DYM: variants seen among roughly 807,000 people sequenced by gnomAD.
DYM encodes the protein dymeclin.
A neutral mutation model predicts 93.1 loss-of-function variants in DYM; 78 were observed. That is an observed-to-expected ratio of 0.84 (90% CI 0.70 to 1.01). The LOEUF (loss-of-function observed/expected upper bound fraction) is 1.01. Ranked by LOEUF, DYM falls within the 50% of genes least tolerant of loss-of-function variation. The pLI is 0.00. For missense variants in DYM, 789 were observed against 845.0 expected (o/e 0.93, Z 0.82); for synonymous variants, 321 against 319.7 (o/e 1.00, Z -0.04).
intron 1 of DYM, among the ~76,000 whole-genome samples, chr18:49,452,246 G>A (rs564472124): frequency 1.7e-4 from 26 of 152,270 alleles, no homozygotes; most frequent in Admixed American, 9.8e-4. Context: ...AGACCTTCGC[G>A]GTGAGTGTTA....
At chr18:49,364,675 C>G (rs1354212273) in intron 5 of DYM, among the ~76,000 whole-genome samples, 1 of 152,134 alleles carries the variant, frequency 6.6e-6, no homozygotes, top group Non-Finnish European at 1.5e-5. Flanking sequence ...TACAGCATGC[C>G]AGACTCTTGG....
chr18:49,259,583 T>C (rs2094458277), intron 11 of DYM, among the ~76,000 whole-genome samples: 1 of 152,206 alleles, frequency 6.6e-6, no homozygotes, highest in Non-Finnish European at 1.5e-5. Flanking sequence ...CTAGAAGATA[T>C]TTTAAAGATA....
chr18:49,217,996 T>C (rs1218524524), intron 13 of DYM, among the ~76,000 whole-genome samples: 1 of 152,084 alleles, frequency 6.6e-6, no homozygotes, highest in Non-Finnish European at 1.5e-5. Context: ...CAGTGTGCTG[T>C]ATTCAGGAAA....
chr18:49,290,473 T>C (rs1008269327), intron 8 of DYM, among the ~76,000 whole-genome samples: 2 of 152,194 alleles, frequency 1.3e-5, no homozygotes, highest in East Asian at 1.9e-4. Flanking sequence ...AGGAAGACTT[T>C]TGTTTTACTT....
intron 8 of DYM, among the ~76,000 whole-genome samples, chr18:49,301,516 G>T (rs769572954): frequency 7.4e-6 from 1 of 134,718 alleles, no homozygotes; most frequent in Non-Finnish European, 1.5e-5. Flanking sequence ...GTGAGACTCC[G>T]TCTCAGAAAA....
intron 10 of DYM, among the ~76,000 whole-genome samples, chr18:49,275,340 G>T (rs2094824595): frequency 6.6e-6 from 1 of 152,084 alleles, no homozygotes; most frequent in Non-Finnish European, 1.5e-5. Flanking sequence ...GTCTATCCTT[G>T]TGCCAGTACC....
rs570930457 is a variant in DYM at position 49,166,201 on chromosome 18, T to G, written c.1626-2414A>C. Among the ~76,000 whole-genome samples the G allele has an allele frequency of 3.3e-5, 5 of 152,336 alleles. No homozygotes were observed. The South Asian group carries it at 1.0e-3, about 32-fold the overall frequency. On this transcript the variant is annotated intron_variant, in intron 14 of 17. Transcript: ENST00000675505. ...ATTCCAGAAACCTTATATGCATTAA[T>G]GCATGTAAACAAATGCATACTGTAT...
At chr18:49,320,302 T>C (rs1008869960) in intron 8 of DYM, among the ~76,000 whole-genome samples, 17 of 152,162 alleles carry the variant, frequency 1.1e-4, no homozygotes, top group Non-Finnish European at 2.1e-4. Flanking sequence ...GTCAAAAAAC[T>C]CTATAATGAA....
chr18:49,288,686 G>A (rs1480460656), intron 8 of DYM, among the ~76,000 whole-genome samples: 1 of 151,804 alleles, frequency 6.6e-6, no homozygotes, highest in Non-Finnish European at 1.5e-5. Flanking sequence ...AGGCTGAGGC[G>A]GGAGAATCTC....
At chr18:49,249,562 CT>C (rs1229561943) in intron 13 of DYM, among the ~76,000 whole-genome samples, 2 of 152,082 alleles carry the variant, frequency 1.3e-5, no homozygotes, top group African/African-American at 4.8e-5. Context: ...GGCAAATTGT[CT>C]TTCTTTCTTT....
intron 16 of DYM, among the ~76,000 whole-genome samples, chr18:49,115,087 T>C (rs2081801946): frequency 6.6e-6 from 1 of 152,234 alleles, no homozygotes; most frequent in South Asian, 2.1e-4. Context: ...CTAACTTGGT[T>C]TCTTTATCTG....
chr18:49,085,374 C>G (rs1568395683), intron 17 of DYM, among the ~76,000 whole-genome samples: 1 of 152,158 alleles, frequency 6.6e-6, no homozygotes, highest in African/African-American at 2.4e-5. Context: ...GTGCAAAGAT[C>G]ATTTCTAGAC....
At chr18:49,375,028 A>G (rs2067362162) in intron 5 of DYM, among the ~76,000 whole-genome samples, 1 of 152,070 alleles carries the variant, frequency 6.6e-6, no homozygotes, top group Non-Finnish European at 1.5e-5. Context: ...ATTACTTCAG[A>G]GTAGAAAGCA....
intron 2 of DYM, among the ~76,000 whole-genome samples, chr18:49,401,771 A>C (rs2070859512): frequency 6.6e-6 from 1 of 152,172 alleles, no homozygotes; most frequent in African/African-American, 2.4e-5. Flanking sequence ...CATGCCTGTA[A>C]TACCAGCACT....
chr18:49,283,808 G>T (rs2095050007), intron 9 of DYM, among the ~76,000 whole-genome samples: 1 of 152,136 alleles, frequency 6.6e-6, no homozygotes, highest in African/African-American at 2.4e-5. Flanking sequence ...CACAATCCTT[G>T]CCTCTCAGAT....
chr18:49,417,163 T>G (rs1239010632), intron 2 of DYM, among the ~76,000 whole-genome samples: 1 of 152,130 alleles, frequency 6.6e-6, no homozygotes, highest in East Asian at 1.9e-4. Flanking sequence ...GGTGGTGTTG[T>G]TTGAGACAGG....
chr18:49,367,714 G>A (rs754029213), intron 5 of DYM, among the ~76,000 whole-genome samples: 35 of 152,226 alleles, frequency 2.3e-4, no homozygotes, highest in Middle Eastern at 3.4e-3. Context: ...TTTTCTTTGC[G>A]TTCAGAAGGT....
intron 10 of DYM, among the ~76,000 whole-genome samples, chr18:49,274,318 C>T (rs1413188176): frequency 6.6e-6 from 1 of 152,174 alleles, no homozygotes; most frequent in East Asian, 1.9e-4. Flanking sequence ...CAGTATGTAT[C>T]AGGATCTCAT....
Position 49,440,360 on chromosome 18 carries a change from G to GCT in DYM, c.-53-9914_-53-9913insAG, listed in dbSNP as rs1157861608. On this transcript the variant is annotated intron_variant, in intron 1 of 17. Transcript: ENST00000675505. ...ATATATGATATATAATATAGTATAT[G>GCT]ATATATAATATAGCATATTATATAT... 6.3e-5 allele frequency among the ~76,000 whole-genome samples: 8 copies of GCT among 127,580 alleles called. 1 individual carries two copies. Among genetic ancestry groups the GCT allele is most frequent in the Admixed American group, 2.7e-4 (3 of 11,050 alleles). 83.7% of individuals were successfully genotyped at this position (127,580 alleles called of 152,430 possible). A position where few individuals can be genotyped will look rare whatever the true frequency, so the allele number is the denominator to read the frequency against.
Sources: allele counts gnomAD v4.1 joint callset (sites outside exome capture counted in the v4.1 genomes callset), GRCh38; gene constraint gnomAD v4.1.1; transcripts MANE v1.5; gene names NCBI Gene and HGNC (gene_info 2026-07-23, HGNC 2026-07-21).